LRRC18: variants seen among roughly 807,000 people sequenced by gnomAD.
The protein encoded by LRRC18 is leucine-rich repeat-containing protein 18.
Under a neutral mutation model 11.2 loss-of-function variants are expected in LRRC18, and 12 were observed. That is an observed-to-expected ratio of 1.07 (90% CI 0.69 to 1.74). LRRC18 has a LOEUF of 1.74. LRRC18 is among the 40% of genes most tolerant of loss of function. The probability of loss-of-function intolerance (pLI) is 0.00; values close to 1 mark genes in which losing one functional copy is unlikely to be tolerated. For synonymous variants in LRRC18, 155 were observed against 130.6 expected (o/e 1.19, Z -1.27); for missense variants, 374 against 330.5 (o/e 1.13, Z -1.02).
chr10:48,913,273 C>T (rs561084063), intron 1 of LRRC18, 119 bp downstream of exon 3: 37 of 941,998 alleles, frequency 3.9e-5, no homozygotes, highest in Middle Eastern at 6.3e-4. Context: ...GTTTTATGGG[C>T]TTGGCTGAAA....
exon 2 of LRRC18, chr10:48,910,190 G>T: frequency 6.7e-7 from 1 of 1,499,356 alleles, no homozygotes; most frequent in Non-Finnish European, 9.3e-7. Flanking sequence ...CTTCAGAGTC[G>T]TTTATTCTGT....
exon 1 of LRRC18, chr10:48,914,122 T>C (rs1838277218): frequency 6.2e-7 from 1 of 1,614,168 alleles, no homozygotes; most frequent in Non-Finnish European, 8.5e-7. Context: ...AGGGTGATCT[T>C]CTTGCCCTTG....
chr10:48,913,454 C>A lies in LRRC18; in HGVS notation c.702G>T (p.Lys234Asn), dbSNP rs766550069. ...GTGAGATCAGATTGGGAAAGATGGTCTTTCTCGGTGTCGTCGTGGCCATGT... is the reference window on the plus strand; with the variant it reads ...GTGAGATCAGATTGGGAAAGATGGTATTTCTCGGTGTCGTCGTGGCCATGT... Residue 234 changes from lysine (K) to asparagine (N), a missense_variant, in exon 1 of 2, where the codon AAG (lysine) becomes AAT (asparagine). Transcript: ENST00000374160. 5 of 1,613,642 alleles carry A rather than the reference C, an allele frequency of 3.1e-6. No individual in the cohort carries two copies. The South Asian group carries it at 5.5e-5, about 18-fold the overall frequency.
rs141860858 is a variant in LRRC18, at chr10:48,913,832, C to T, written c.324G>A (p.Leu108=). Residue 108 remains leucine (L), a synonymous_variant, in exon 1 of 2, where the codon CTG becomes CTA. Transcript: ENST00000374160. ...GCTCCACGGGCAGCCCGTTGCTGGT[C>T]AGCCGGTTGTTGCTGACGTTGAGGT... The T allele has an allele frequency of 6.2e-6, 10 of 1,614,066 alleles. No individual in the cohort carries two copies. The African/African-American group carries it at 1.3e-4, about 22-fold the overall frequency.
chr10:48,931,404 T>G, the LRRC18 span, among the ~76,000 whole-genome samples: 1 of 152,178 alleles, frequency 6.6e-6, no homozygotes, highest in Non-Finnish European at 1.5e-5. Flanking sequence ...CAGCCGTTCC[T>G]GTTTCCCTCC....
exon 1 of LRRC18, chr10:48,913,739 T>C (rs10776653): frequency 0.5 from 804,158 of 1,612,576 alleles, 204,874 homozygotes; most frequent in East Asian, 0.73. Flanking sequence ...GGGCCCCCAG[T>C]GTGGTGGGCA....
chr10:48,910,622 G>T (rs543055703), intron 1 of LRRC18, among the ~76,000 whole-genome samples: 1 of 152,272 alleles, frequency 6.6e-6, no homozygotes, highest in South Asian at 2.1e-4. Flanking sequence ...GGCTAAAGAG[G>T]TGTCTGACTT....
upstream of LRRC18, among the ~76,000 whole-genome samples, chr10:48,918,447 A>G (rs1205162250): frequency 1.3e-5 from 2 of 152,226 alleles, no homozygotes; most frequent in African/African-American, 4.8e-5. Context: ...CAGATAAAGC[A>G]TATTTCAGAA....
At chr10:48,930,967 G>T in the LRRC18 span, among the ~76,000 whole-genome samples, 1 of 151,992 alleles carries the variant, frequency 6.6e-6, no homozygotes, top group Admixed American at 6.6e-5. Flanking sequence ...CTGAAGGGAC[G>T]GTACTGGACT....
the LRRC18 span, among the ~76,000 whole-genome samples, chr10:48,937,671 A>G: frequency 6.6e-6 from 1 of 152,240 alleles, no homozygotes; most frequent in Admixed American, 6.5e-5. Context: ...CTAGAACTGT[A>G]TGCAGATTTT....
At chr10:48,929,433 A>C in the LRRC18 span, among the ~76,000 whole-genome samples, 7 of 152,156 alleles carry the variant, frequency 4.6e-5, no homozygotes, top group Admixed American at 1.3e-4. Flanking sequence ...GAGTGTGGGC[A>C]TCAGGGGGCA....
At chr10:48,911,746 T>TTAAGCTAC in intron 1 of LRRC18, among the ~76,000 whole-genome samples, 1 of 152,320 alleles carries the variant, frequency 6.6e-6, no homozygotes, top group East Asian at 1.9e-4. Flanking sequence ...GATGAATGCT[T>TTAAGCTAC]TAAGCTACTA....
upstream of LRRC18, among the ~76,000 whole-genome samples, chr10:48,916,086 G>A (rs1258773737): frequency 6.6e-6 from 1 of 152,214 alleles, no homozygotes; most frequent in Non-Finnish European, 1.5e-5. Flanking sequence ...GCACAGAGAA[G>A]CACTCTGGGG....
upstream of LRRC18, among the ~76,000 whole-genome samples, chr10:48,914,495 C>T (rs1014800372): frequency 1.4e-4 from 21 of 152,124 alleles, no homozygotes; most frequent in Non-Finnish European, 2.1e-4. Context: ...TGCCATGCCC[C>T]GACTTATAAA....
At chr10:48,910,412 G>T (rs776537835) in intron 1 of LRRC18, among the ~76,000 whole-genome samples, 154 bp from the exon 4 acceptor site, 3 of 152,176 alleles carry the variant, frequency 2.0e-5, no homozygotes, top group African/African-American at 7.2e-5. Context: ...TTTGAGGAAA[G>T]AGAACACCCA....
At chr10:48,912,354 T>A (rs1045470790) in intron 1 of LRRC18, among the ~76,000 whole-genome samples, 1 of 152,198 alleles carries the variant, frequency 6.6e-6, no homozygotes, top group African/African-American at 2.4e-5. Flanking sequence ...GTGGCATTAT[T>A]CCCACTTCAC....
At chr10:48,924,317 C>T in the LRRC18 span, among the ~76,000 whole-genome samples, 2 of 152,224 alleles carry the variant, frequency 1.3e-5, no homozygotes, top group Non-Finnish European at 2.9e-5. Flanking sequence ...TGCCCAGTAC[C>T]ACTAGAAGCA....
At chr10:48,933,976 A>G in the LRRC18 span, among the ~76,000 whole-genome samples, 6 of 152,132 alleles carry the variant, frequency 3.9e-5, no homozygotes, top group Admixed American at 6.5e-5. Context: ...CGGTCTGCAG[A>G]CAACCACAGG....
At chr10:48,920,069 TACTC>T in the LRRC18 span, among the ~76,000 whole-genome samples, 1 of 151,938 alleles carries the variant, frequency 6.6e-6, no homozygotes, top group African/African-American at 2.4e-5. Flanking sequence ...AGCCCAAACT[TACTC>T]AATACTTGGG....
Sources: gnomAD v4.1 joint callset for allele counts (sites outside exome capture counted in the v4.1 genomes callset) on GRCh38, gnomAD v4.1.1 for gene constraint, MANE v1.5 for transcripts, NCBI Gene and HGNC (gene_info 2026-07-23, HGNC 2026-07-21) for gene names.